Variants in PLEKHA2 observed in about 807,000 individuals in gnomAD.
The protein encoded by PLEKHA2 is pleckstrin homology domain-containing family A member 2.
PLEKHA2 carries 28 observed loss-of-function variants against 53.2 expected under a neutral mutation model. The ratio of observed to expected loss-of-function variants is 0.53; its 90% CI spans 0.39 to 0.72. The LOEUF (loss-of-function observed/expected upper bound fraction) is 0.72, where lower values mean the gene tolerates loss of function less well. Ranked by LOEUF, PLEKHA2 falls within the 30% of genes least tolerant of loss-of-function variation. The pLI, the probability that PLEKHA2 is intolerant of heterozygous loss-of-function variation, is 0.00. For synonymous variants in PLEKHA2, 193 were observed against 196.4 expected (o/e 0.98, Z 0.14); for missense variants, 426 against 537.9 (o/e 0.79, Z 2.06).
chr8:38,961,789 C>A (rs1835046076), intron 10 of PLEKHA2, among the ~76,000 whole-genome samples: 1 of 151,736 alleles, frequency 6.6e-6, no homozygotes, highest in Non-Finnish European at 1.5e-5. Context: ...AAGAGAAAGA[C>A]TTGGGTTAGA....
chr8:38,931,304 C>T (rs150203505), intron 2 of PLEKHA2, among the ~76,000 whole-genome samples: 299 of 152,210 alleles, frequency 2.0e-3, no homozygotes, highest in African/African-American at 6.8e-3. Context: ...AAAGATACCT[C>T]CCGAGGTGAT....
At chr8:38,964,004 T>A (rs550071767) in intron 10 of PLEKHA2, among the ~76,000 whole-genome samples, 6 of 152,194 alleles carry the variant, frequency 3.9e-5, no homozygotes, top group Non-Finnish European at 8.8e-5. Context: ...AATTATAATA[T>A]TTAATTCTAG....
At chr8:38,912,767 C>T (rs183444430) in intron 1 of PLEKHA2, among the ~76,000 whole-genome samples, 45 of 152,280 alleles carry the variant, frequency 3.0e-4, no homozygotes, top group Admixed American at 2.9e-3. Context: ...AGCATCTGAA[C>T]GTGCCGCTGC....
intron 1 of PLEKHA2, among the ~76,000 whole-genome samples, chr8:38,907,345 A>C (rs1023889063): frequency 3.3e-5 from 5 of 152,228 alleles, no homozygotes; most frequent in African/African-American, 1.2e-4. Context: ...AAAATGCTAA[A>C]GTAGTCAGGC....
intron 8 of PLEKHA2, 33 bp from the exon 9 acceptor site, chr8:38,953,264 C>T (rs768491927): frequency 3.2e-6 from 5 of 1,551,498 alleles, no homozygotes; most frequent in Non-Finnish European, 4.5e-6. Flanking sequence ...CACAGACAGC[C>T]TCACTTACCT....
At chr8:38,933,778 TAA>T (rs774899490) in intron 2 of PLEKHA2, among the ~76,000 whole-genome samples, 3 of 49,036 alleles carry the variant, frequency 6.1e-5, no homozygotes, top group Admixed American at 2.1e-4. Context: ...AGAGGTTTCC[TAA>T]AAAAAAAAAA....
At chr8:38,940,204 C>G (rs1005976755) in intron 3 of PLEKHA2, among the ~76,000 whole-genome samples, 51 of 152,026 alleles carry the variant, frequency 3.4e-4, no homozygotes, top group African/African-American at 1.2e-3. Flanking sequence ...TCCAGACCAG[C>G]CTGGCCAACA....
rs1026269020 is a variant in PLEKHA2 at position 38,972,307 on chromosome 8, T to G, written c.*2524T>G. The G allele has an allele frequency of 6.6e-6, 1 of 152,180 alleles. No individual in the cohort carries two copies. Among genetic ancestry groups the G allele is most frequent in the African/African-American group, 2.4e-5 (1 of 41,422 alleles). The allele number at this position is 152,180 out of a possible 1,614,324, so 9.4% of individuals were successfully genotyped here. ...GCTTAAGCAATCCTCCCATGTTAGCTTCCCAAGTAGCTAGGACTACAGGGT... is the reference window on the plus strand; with the variant it reads ...GCTTAAGCAATCCTCCCATGTTAGCGTCCCAAGTAGCTAGGACTACAGGGT... On this transcript the variant is annotated 3_prime_UTR_variant, in exon 12 of 12. Coordinates refer to ENST00000617275, the MANE Select transcript of PLEKHA2 (RefSeq NM_021623.2).
intron 7 of PLEKHA2, 53 bp from the exon 8 acceptor site, chr8:38,952,583 C>CTAAGTACAATGAGT: frequency 6.4e-7 from 1 of 1,555,072 alleles, no homozygotes; most frequent in Admixed American, 1.8e-5. Context: ...GTACACCCTC[C>CTAAGTACAATGAGT]ACAATGCTGG....
At position 38,904,011 on chromosome 8, in the gene PLEKHA2, ATAT is replaced by A. The variant is rs1481954368; in HGVS notation, c.-24+2570_-24+2572del. On this transcript the variant is annotated intron_variant, in intron 1 of 11. Transcript: ENST00000617275. Reference sequence around the variant, plus strand: ...TTTGGAAAGGAAGGAAGGAAAGCAAATATTATAGTGTGTTGGCCTATGGGAAGA... The same window carrying A: ...TTTGGAAAGGAAGGAAGGAAAGCAAATATAGTGTGTTGGCCTATGGGAAGA... Among the ~76,000 whole-genome samples, 3 of 152,114 alleles carry A rather than the reference ATAT, an allele frequency of 2.0e-5. No homozygotes were observed. The East Asian group carries it at 5.8e-4, about 29-fold the overall frequency.
Position 38,935,145 on chromosome 8 carries a change from G to A in PLEKHA2, c.142-849G>A, listed in dbSNP as rs566932588. ...TCTCCTGCCTCAGCTTCCCAAGTAG[G>A]TGGGACTACAAGTGTGAGCCACCAA... On this transcript the variant is annotated intron_variant, in intron 2 of 11. Coordinates refer to ENST00000617275, the MANE Select transcript of PLEKHA2 (RefSeq NM_021623.2). Among the ~76,000 whole-genome samples the A allele has an allele frequency of 9.2e-5, 14 of 152,096 alleles. No individual in the cohort carries two copies. In the South Asian group the frequency reaches 2.5e-3, roughly 27 times the overall value.
chr8:38,950,074 C>G (rs1299140068), intron 5 of PLEKHA2, among the ~76,000 whole-genome samples: 1 of 152,184 alleles, frequency 6.6e-6, no homozygotes, highest in Non-Finnish European at 1.5e-5. Flanking sequence ...GAGACAGGGT[C>G]TCTGTCACCT....
chr8:38,951,016 G>A (rs747636141), intron 6 of PLEKHA2, 26 bp downstream of exon 6: 3 of 1,607,104 alleles, frequency 1.9e-6, no homozygotes, highest in African/African-American at 1.3e-5. Context: ...GGGGCTGCGG[G>A]GGGAGTGGGG....
intron 4 of PLEKHA2, among the ~76,000 whole-genome samples, chr8:38,944,504 GA>G (rs34562479): frequency 2.2e-3 from 330 of 149,356 alleles, no homozygotes; most frequent in African/African-American, 7.5e-3. Context: ...CTCAAAAAAA[GA>G]AAAAAAAAAG....
At chr8:38,943,756 A>G (rs143571029) in intron 3 of PLEKHA2, 33 bp from the exon 4 acceptor site, 14 of 1,486,368 alleles carry the variant, frequency 9.4e-6, no homozygotes, top group African/African-American at 8.5e-5. Context: ...TAAGACACAT[A>G]TTCATGTTTC....
chr8:38,969,588 C>T lies in PLEKHA2; in HGVS notation c.1083C>T (p.Pro361=). The part of the protein sequence containing the change: ...ASSWQPWTPV[P]QAGEKLLPPG... ...CCTGGCAGCCCTGGACACCTGTCCC[C>T]CAGGCTGGGGAGAAGCTGCTTCCAC... Residue 361 remains proline (P), a synonymous_variant, in exon 12 of 12, where the codon CCC becomes CCT. Coordinates refer to ENST00000617275, the MANE Select transcript of PLEKHA2 (RefSeq NM_021623.2). 1 of 1,610,094 alleles carries T rather than the reference C, an allele frequency of 6.2e-7. No homozygotes were observed. Among genetic ancestry groups the T allele is most frequent in the Non-Finnish European group, 8.5e-7 (1 of 1,178,168 alleles).
intron 5 of PLEKHA2, among the ~76,000 whole-genome samples, chr8:38,948,596 T>C (rs1381530383): frequency 6.6e-6 from 1 of 152,144 alleles, no homozygotes; most frequent in Non-Finnish European, 1.5e-5. Context: ...AGAGAAGGTC[T>C]CGTTGTCTTT....
chr8:38,901,446 G>GA lies in PLEKHA2; in HGVS notation c.-24+1_-24+2insA, dbSNP rs1833782766. On this transcript the variant is annotated splice_donor_variant, in intron 1 of 11. Coordinates refer to ENST00000617275, the MANE Select transcript of PLEKHA2 (RefSeq NM_021623.2). LOFTEE classifies it low-confidence loss of function (5UTR_SPLICE). ...CGAGCCCCGGCCCCTGCACGGGGGG[G>GA]TAAGTTGGGCGCCCTCGCGGGCTCG... is the stretch of plus-strand genomic sequence containing the variant. 1 of 151,536 alleles carries GA rather than the reference G, an allele frequency of 6.6e-6. No homozygotes were observed. The highest frequency in any genetic ancestry group is 2.1e-4 in the South Asian group (1 of 4,822). 9.4% of individuals were successfully genotyped at this position (151,536 alleles called of 1,614,324 possible). A position where few individuals can be genotyped will look rare whatever the true frequency, so the allele number is the denominator to read the frequency against.
intron 5 of PLEKHA2, among the ~76,000 whole-genome samples, chr8:38,947,671 T>G (rs1319731491): frequency 6.6e-6 from 1 of 152,146 alleles, no homozygotes; most frequent in Non-Finnish European, 1.5e-5. Flanking sequence ...GCTCTGCATG[T>G]TGATCTGAAG....
Sources: gnomAD v4.1 joint callset for allele counts (sites outside exome capture counted in the v4.1 genomes callset) on GRCh38, gnomAD v4.1.1 for gene constraint, MANE v1.5 for transcripts, NCBI Gene and HGNC (gene_info 2026-07-23, HGNC 2026-07-21) for gene names.